RBMS2: variants seen among roughly 807,000 people sequenced by gnomAD.
The protein encoded by RBMS2 is RNA binding motif single stranded interacting protein 2.
Under a neutral mutation model 58.4 loss-of-function variants are expected in RBMS2, and 38 were observed. That is an observed-to-expected ratio of 0.65 (90% CI 0.50 to 0.85). RBMS2 has a LOEUF of 0.85. Among genes scored for constraint, RBMS2 ranks in the 40% least tolerant of loss-of-function variants. The pLI is 0.00. For missense variants in RBMS2, 367 were observed against 503.7 expected (o/e 0.73, Z 2.60); for synonymous variants, 151 against 180.7 (o/e 0.84, Z 1.32).
chr12:56,551,367 A>C (rs900930640), intron 1 of RBMS2, among the ~76,000 whole-genome samples: 1 of 152,192 alleles, frequency 6.6e-6, no homozygotes, highest in African/African-American at 2.4e-5. Context: ...CAGAGCCATC[A>C]CATGTGGCCT....
At chr12:56,540,090 T>C (rs2136296104) in intron 1 of RBMS2, among the ~76,000 whole-genome samples, 1 of 152,252 alleles carries the variant, frequency 6.6e-6, no homozygotes, top group Middle Eastern at 3.4e-3. Context: ...TGGTAGCCCA[T>C]TTATCACAGT....
intron 11 of RBMS2, among the ~76,000 whole-genome samples, chr12:56,587,912 A>G (rs1283812242): frequency 2.0e-5 from 3 of 152,168 alleles, no homozygotes. Flanking sequence ...TTCTGTCTGC[A>G]TATTAGTTTA....
At chr12:56,588,855 G>A in intron 12 of RBMS2, 77 bp from the exon 13 acceptor site, 4 of 1,396,704 alleles carry the variant, frequency 2.9e-6, no homozygotes, top group Admixed American at 3.4e-5. Context: ...GATGTAGGGT[G>A]GGCTTTGGTC....
At chr12:56,522,212 T>G (rs1256540891) in intron 1 of RBMS2, 123 bp downstream of exon 1, 4 of 714,270 alleles carry the variant, frequency 5.6e-6, no homozygotes, top group Non-Finnish European at 6.8e-6. Flanking sequence ...TCCTAATTCC[T>G]CACCGCGCTT....
intron 11 of RBMS2, among the ~76,000 whole-genome samples, chr12:56,587,938 C>G (rs1175176627): frequency 6.6e-6 from 1 of 152,140 alleles, no homozygotes; most frequent in African/African-American, 2.4e-5. Flanking sequence ...CACACACGTC[C>G]TAGGAATCCT....
chr12:56,540,948 A>T lies in RBMS2; in HGVS notation c.66+18859A>T, dbSNP rs957779501. On this transcript the variant is annotated intron_variant, in intron 1 of 13. Coordinates refer to ENST00000262031, the MANE Select transcript of RBMS2 (RefSeq NM_002898.4). ...AGACTAAGTCTCTACAAAAAACTCA[A>T]ATATTAGCCAGGTGTGGTAGCATGC... is the stretch of plus-strand genomic sequence containing the variant. Among the ~76,000 whole-genome samples the T allele has an allele frequency of 6.6e-5, 10 of 152,196 alleles. No individual in the cohort carries two copies. In the East Asian group the frequency reaches 9.6e-4, roughly 15 times the overall value.
At position 56,589,495 on chromosome 12, in the gene RBMS2, T is replaced by G. The variant is rs1398303371; in HGVS notation, c.*362T>G. 2 of 239,440 alleles carry G rather than the reference T, an allele frequency of 8.4e-6. No individual in the cohort carries two copies. The highest frequency in any genetic ancestry group is 4.7e-5 in the African/African-American group (2 of 42,972). The allele number at this position is 239,440 out of a possible 1,614,324, so 14.8% of individuals were successfully genotyped here. A position where few individuals can be genotyped will look rare whatever the true frequency, so the allele number is the denominator to read the frequency against. Reference sequence around the variant, plus strand: ...GCTTCTCATCTATATGAAAAAGTTTTCGATGTATTGGAATTATTTGGGAAT... The same window carrying G: ...GCTTCTCATCTATATGAAAAAGTTTGCGATGTATTGGAATTATTTGGGAAT... On this transcript the variant is annotated 3_prime_UTR_variant, in exon 14 of 14. Transcript: ENST00000262031.
chr12:56,561,908 C>T (rs533979597), intron 1 of RBMS2, among the ~76,000 whole-genome samples: 7 of 152,144 alleles, frequency 4.6e-5, no homozygotes, highest in East Asian at 1.9e-4. Context: ...CCCGGGTTCA[C>T]GCCATTCTCC....
At chr12:56,569,723 A>T (rs1281537682) in intron 3 of RBMS2, among the ~76,000 whole-genome samples, 176 bp from the exon 4 acceptor site, 1 of 152,128 alleles carries the variant, frequency 6.6e-6, no homozygotes, top group South Asian at 2.1e-4. Flanking sequence ...CACAAAGTAG[A>T]TCACATCTCA....
chr12:56,541,371 A>G (rs1416103165), intron 1 of RBMS2, among the ~76,000 whole-genome samples: 1 of 152,166 alleles, frequency 6.6e-6, no homozygotes, highest in Non-Finnish European at 1.5e-5. Context: ...TTGAATTACT[A>G]TTAAATTATT....
At chr12:56,535,654 T>C (rs1329934639) in intron 1 of RBMS2, among the ~76,000 whole-genome samples, 1 of 152,084 alleles carries the variant, frequency 6.6e-6, no homozygotes, top group Non-Finnish European at 1.5e-5. Context: ...ATTTAGACAT[T>C]TATTAGACAT....
intron 9 of RBMS2, among the ~76,000 whole-genome samples, 176 bp from the exon 10 acceptor site, chr12:56,586,673 A>C (rs1884717402): frequency 6.6e-6 from 1 of 151,710 alleles, no homozygotes; most frequent in South Asian, 2.1e-4. Flanking sequence ...GCCCTTTTTT[A>C]AACTGGATTA....
intron 1 of RBMS2, among the ~76,000 whole-genome samples, chr12:56,550,242 A>G (rs1878004173): frequency 6.6e-6 from 1 of 152,108 alleles, no homozygotes; most frequent in Non-Finnish European, 1.5e-5. Flanking sequence ...AGAAAGGGAT[A>G]GACTAGACCA....
chr12:56,533,975 T>C (rs187120582), intron 1 of RBMS2, among the ~76,000 whole-genome samples: 11 of 152,204 alleles, frequency 7.2e-5, no homozygotes, highest in African/African-American at 2.6e-4. Flanking sequence ...ATCTTATAGA[T>C]GAGGAAAAGT....
intron 9 of RBMS2, among the ~76,000 whole-genome samples, chr12:56,583,307 T>C (rs1007852959): frequency 6.6e-6 from 1 of 152,208 alleles, no homozygotes. Flanking sequence ...CTACCAGCCA[T>C]GTATGAAAGT....
chr12:56,567,829 G>GCA lies in RBMS2; in HGVS notation c.234-1131_234-1130dup, dbSNP rs757617155. Among the ~76,000 whole-genome samples the GCA allele has an allele frequency of 1.3e-3, 202 of 150,734 alleles. 2 individuals carry two copies. Among genetic ancestry groups the GCA allele is most frequent in the Middle Eastern group, 3.4e-3 (1 of 292 alleles). On this transcript the variant is annotated intron_variant, in intron 2 of 13. Transcript: ENST00000262031. ...CTGGGCAACAGAGCCAGACCCTGAT[G>GCA]CACACACACACACACAATTTTTTTT...
intron 1 of RBMS2, among the ~76,000 whole-genome samples, chr12:56,561,958 C>T (rs1306813345): frequency 1.3e-5 from 2 of 152,138 alleles, no homozygotes; most frequent in African/African-American, 2.4e-5. Flanking sequence ...CAGGCGCCCA[C>T]CACCATGCCC....
intron 10 of RBMS2, 94 bp downstream of exon 10, chr12:56,587,020 C>G (rs1239881688): frequency 2.3e-6 from 3 of 1,280,880 alleles, no homozygotes; most frequent in African/African-American, 2.9e-5. Flanking sequence ...AATCCCAGCA[C>G]TTTGGGAGGC....
At chr12:56,552,181 T>A (rs184493405) in intron 1 of RBMS2, among the ~76,000 whole-genome samples, 136 of 152,356 alleles carry the variant, frequency 8.9e-4, no homozygotes, top group Non-Finnish European at 1.3e-3. Context: ...AAGTAATGTT[T>A]TTAAAAAGTT....
Sources: gnomAD v4.1 joint callset for allele counts (sites outside exome capture counted in the v4.1 genomes callset) on GRCh38, gnomAD v4.1.1 for gene constraint, MANE v1.5 for transcripts, NCBI Gene and HGNC (gene_info 2026-07-23, HGNC 2026-07-21) for gene names.